The following FRMD3 variants were observed in gnomAD, a reference collection of about 807,000 sequenced individuals.
FRMD3 encodes the protein FERM domain-containing protein 3.
In FRMD3, 33 loss-of-function variants were observed where a neutral mutation model predicts 70.2. That is an observed-to-expected ratio of 0.47 (90% CI 0.36 to 0.63). The LOEUF (loss-of-function observed/expected upper bound fraction) is 0.63, where lower values mean the gene tolerates loss of function less well. Ranked by LOEUF, FRMD3 falls within the 20% of genes least tolerant of loss-of-function variation. FRMD3 has a pLI of 0.00. For synonymous variants in FRMD3, 279 were observed against 255.9 expected, an observed-to-expected ratio of 1.09 and a Z score of -0.86; for missense variants, 632 against 711.4, an observed-to-expected ratio of 0.89 and a Z score of 1.27.
chr9:83,267,037 G>A (rs1218811501), intron 13 of FRMD3: 1 of 1,550,886 alleles, frequency 6.4e-7, no homozygotes, highest in Non-Finnish European at 8.7e-7. Context: ...TGACCTTGGA[G>A]CCGAGTCTCA....
chr9:83,344,685 T>C (rs1204551793), intron 4 of FRMD3, among the ~76,000 whole-genome samples: 1 of 152,174 alleles, frequency 6.6e-6, no homozygotes, highest in Non-Finnish European at 1.5e-5. Context: ...GCCTTTGAAC[T>C]ACACCACTGG....
chr9:83,375,742 A>C (rs1825122596), intron 2 of FRMD3, among the ~76,000 whole-genome samples: 1 of 152,218 alleles, frequency 6.6e-6, no homozygotes. Context: ...GAGGAGGGAC[A>C]GGATCAGGCA....
upstream of FRMD3, among the ~76,000 whole-genome samples, chr9:83,539,389 G>A (rs1829970594): frequency 6.6e-6 from 1 of 152,200 alleles, no homozygotes; most frequent in South Asian, 2.1e-4. Flanking sequence ...TATGGAGCTT[G>A]AATGTGAGCA....
intron 6 of FRMD3, among the ~76,000 whole-genome samples, chr9:83,325,500 T>C (rs776718644): frequency 2.6e-5 from 4 of 151,844 alleles, no homozygotes; most frequent in African/African-American, 4.8e-5. Flanking sequence ...AATTTTTGTA[T>C]TTTTTGTAGA....
intron 1 of FRMD3, among the ~76,000 whole-genome samples, chr9:83,457,895 A>T (rs1249848476): frequency 6.6e-6 from 1 of 151,950 alleles, no homozygotes; most frequent in Non-Finnish European, 1.5e-5. Flanking sequence ...CACATTGTAC[A>T]CTTCAAACAT....
intron 1 of FRMD3, among the ~76,000 whole-genome samples, chr9:83,505,449 T>C (rs1056787143): frequency 6.6e-6 from 1 of 152,140 alleles, no homozygotes; most frequent in Non-Finnish European, 1.5e-5. Context: ...TTTTGTTTAC[T>C]AAGAGGATTA....
the FRMD3 span, among the ~76,000 whole-genome samples, chr9:83,573,654 C>T: frequency 2.6e-5 from 4 of 151,842 alleles, no homozygotes; most frequent in African/African-American, 9.7e-5. Flanking sequence ...ATCCAGCTTC[C>T]TCTCCTCCTC....
chr9:83,556,332 C>A, the FRMD3 span, among the ~76,000 whole-genome samples: 1 of 152,224 alleles, frequency 6.6e-6, no homozygotes, highest in East Asian at 1.9e-4. Context: ...TAACTCCATG[C>A]ATTATTGACC....
chr9:83,423,029 G>A (rs79785160), intron 1 of FRMD3, among the ~76,000 whole-genome samples: 5,834 of 152,132 alleles, frequency 0.038, 203 homozygotes, highest in East Asian at 0.16. Flanking sequence ...ATTTGAACTC[G>A]AGTTCTCCAT....
chr9:83,336,557 G>A (rs530111167), intron 5 of FRMD3, among the ~76,000 whole-genome samples: 22 of 149,490 alleles, frequency 1.5e-4, no homozygotes, highest in African/African-American at 4.7e-4. Flanking sequence ...CAGCGGGATT[G>A]CACTTAAAAA....
intron 1 of FRMD3, among the ~76,000 whole-genome samples, chr9:83,531,034 AC>A (rs1210950146): frequency 1.3e-5 from 2 of 152,166 alleles, no homozygotes; most frequent in African/African-American, 4.8e-5. Context: ...GAATGACTGC[AC>A]ACTTCTGTTT....
At position 83,339,355 on chromosome 9, in the gene FRMD3, C is replaced by A. The variant is rs114812368; in HGVS notation, c.473-3716G>T. Reference sequence around the variant, plus strand: ...TCATACCAAGAGGAGTTGGGTAAGCCGCCATGGTTCTCCCTCCTGCTCATG... The same window carrying A: ...TCATACCAAGAGGAGTTGGGTAAGCAGCCATGGTTCTCCCTCCTGCTCATG... On this transcript the variant is annotated intron_variant, in intron 5 of 13. Transcript: ENST00000304195. Among the ~76,000 whole-genome samples, 902 of 152,186 alleles carry A rather than the reference C, an allele frequency of 5.9e-3. 7 individuals are homozygous for A. The highest frequency in any genetic ancestry group is 0.021 in the African/African-American group (862 of 41,512).
rs1422930105 is a variant in FRMD3 at position 83,248,371 on chromosome 9, G to A, written c.1341C>T (p.Tyr447=). ...TGGGGAGCAGGCTGGCACTTGGGTT[G>A]TACACTAGTTCAGAGATGGTTAAAG... ...EEPLTISELV[Y]NPSASLLPTP... The change falls in exon 14 of 14, where the codon TAC becomes TAT. Residue 447 remains tyrosine, a synonymous_variant. Coordinates refer to ENST00000304195, the MANE Select transcript of FRMD3 (RefSeq NM_174938.6). 6.2e-7 allele frequency: 1 copy of A among 1,614,012 alleles called. No homozygotes were observed. The highest frequency in any genetic ancestry group is 8.5e-7 in the Non-Finnish European group (1 of 1,180,000).
intron 1 of FRMD3, among the ~76,000 whole-genome samples, chr9:83,489,461 G>C (rs4097648): frequency 0.77 from 117,493 of 152,140 alleles, 45,801 homozygotes; most frequent in African/African-American, 0.89. Context: ...TGAACTGACA[G>C]TTTTCAAAAC....
At chr9:83,407,877 T>TC (rs1491539402) in intron 1 of FRMD3, among the ~76,000 whole-genome samples, 19 of 85,798 alleles carry the variant, frequency 2.2e-4, no homozygotes, top group Middle Eastern at 5.3e-3. Context: ...CTCTCTCATC[T>TC]TTCTCTCTCT....
chr9:83,574,612 A>G, the FRMD3 span, among the ~76,000 whole-genome samples: 1 of 152,124 alleles, frequency 6.6e-6, no homozygotes, highest in Admixed American at 6.5e-5. Flanking sequence ...CTTTGTATCT[A>G]TTTAAGGACC....
intron 1 of FRMD3, among the ~76,000 whole-genome samples, chr9:83,460,937 C>G (rs1436345781): frequency 6.6e-6 from 1 of 150,930 alleles, no homozygotes; most frequent in Non-Finnish European, 1.5e-5. Flanking sequence ...GAGGAGGCAG[C>G]AGGAAAAAAA....
At chr9:83,510,598 A>T (rs113057652) in intron 1 of FRMD3, among the ~76,000 whole-genome samples, 2,057 of 152,336 alleles carry the variant, frequency 0.014, 56 homozygotes, top group African/African-American at 0.047. Flanking sequence ...TAGTAGTCAA[A>T]AAGTAGAAAC....
At chr9:83,376,087 G>A (rs150019904) in intron 2 of FRMD3, among the ~76,000 whole-genome samples, 46,096 of 150,748 alleles carry the variant, frequency 0.31, 7,128 homozygotes, top group African/African-American at 0.33. Context: ...TTGAACCCAG[G>A]AGGCAAAGGT....
Sources: gnomAD v4.1 joint callset for allele counts (sites outside exome capture counted in the v4.1 genomes callset) on GRCh38, gnomAD v4.1.1 for gene constraint, MANE v1.5 for transcripts, NCBI Gene and HGNC (gene_info 2026-07-23, HGNC 2026-07-21) for gene names.